Variants in IFT27 observed in about 807,000 individuals in gnomAD.
The protein encoded by IFT27 is intraflagellar transport 27, also known as intraflagellar transport protein 27 homolog.
Under a neutral mutation model 23.9 loss-of-function variants are expected in IFT27, and 19 were observed. The ratio of observed to expected loss-of-function variants is 0.79; its 90% CI spans 0.55 to 1.16. The LOEUF (loss-of-function observed/expected upper bound fraction) is 1.16. IFT27 is among the 50% of genes most tolerant of loss of function. The probability of loss-of-function intolerance (pLI) is 0.00; values close to 1 mark genes in which losing one functional copy is unlikely to be tolerated. For synonymous variants in IFT27, 91 were observed against 89.1 expected, an observed-to-expected ratio of 1.02 and a Z score of -0.12; for missense variants, 206 against 228.7, an observed-to-expected ratio of 0.90 and a Z score of 0.64.
Position 36,767,317 on chromosome 22 carries a change from C to G in IFT27, c.163G>C (p.Gly55Arg), listed in dbSNP as rs767759494. 5 of 1,613,870 alleles carry G rather than the reference C, an allele frequency of 3.1e-6. No homozygotes were observed. The South Asian group carries it at 5.5e-5, about 18-fold the overall frequency. ...VVKTVPVPDT[G>R]DSVELFIFDS... ...AAGGCATCACTCACCACACTGTCTC[C>G]CGTGTCAGGAACTGGCACTGTCTTC... Residue 55 changes from glycine (G) to arginine (R), a missense_variant, in exon 3 of 7, where the codon GGA (glycine) becomes CGA (arginine). Gly to Arg is a moderately radical substitution (Grantham distance 125, BLOSUM62 -2). Transcript: ENST00000433985.
At chr22:36,758,603 T>C in intron 6 of IFT27, 194 bp from the exon 7 acceptor site, 1 of 588,080 alleles carries the variant, frequency 1.7e-6, no homozygotes, top group Non-Finnish European at 3.0e-6. Flanking sequence ...AACTCAGAGA[T>C]GAAGGTACCT....
chr22:36,762,808 TG>T (rs1479142001), intron 6 of IFT27, 95 bp downstream of exon 6: 1 of 634,602 alleles, frequency 1.6e-6, no homozygotes, highest in East Asian at 3.1e-5. Flanking sequence ...CTGCATATGG[TG>T]GAATAACAGC....
chr22:36,776,047 A>T lies in IFT27; in HGVS notation c.-340T>A. ...CAGCCCTACCCAGAGGGTTCAAGGA[A>T]GGACGATCCGGCTCTCCTCCGATCA... On this transcript the variant is annotated 5_prime_UTR_variant, in exon 1 of 7. Coordinates refer to ENST00000433985, the MANE Select transcript of IFT27 (RefSeq NM_001177701.3). The T allele has an allele frequency of 2.6e-6, 1 of 387,964 alleles. No individual in the cohort carries two copies. Among genetic ancestry groups the T allele is most frequent in the Non-Finnish European group, 4.8e-6 (1 of 207,804 alleles). The allele number at this position is 387,964 out of a possible 1,614,324, so 24.0% of individuals were successfully genotyped here.
chr22:36,767,282 C>G, intron 3 of IFT27, 24 bp downstream of exon 3: 1 of 1,606,956 alleles, frequency 6.2e-7, no homozygotes, highest in Non-Finnish European at 8.5e-7. Flanking sequence ...GCCCTGAGTT[C>G]CCCTGGGTAA....
chr22:36,760,774 A>C (rs1487484472), intron 6 of IFT27: 1 of 166,098 alleles, frequency 6.0e-6, no homozygotes, highest in Non-Finnish European at 1.5e-5. Flanking sequence ...AGCCTAAACA[A>C]ATAATGTGTG....
chr22:36,771,335 T>G (rs533490709), intron 1 of IFT27, among the ~76,000 whole-genome samples: 1 of 152,338 alleles, frequency 6.6e-6, no homozygotes, highest in Admixed American at 6.5e-5. Context: ...ATCCTCACTG[T>G]TGAAATGCCG....
Position 36,763,026 on chromosome 22 carries a change from AAC to A in IFT27, c.353-15_353-14del, listed in dbSNP as rs1938139255. ...CCAACTAAAACACCTACTCAGAAGA[AAC>A]AACCAAAATATGGCACTTCACTGTC... On this transcript the variant is annotated splice_polypyrimidine_tract_variant and intron_variant, in intron 5 of 6. Coordinates refer to ENST00000433985, the MANE Select transcript of IFT27 (RefSeq NM_001177701.3). The A allele has an allele frequency of 1.9e-6, 3 of 1,578,364 alleles. No homozygotes were observed. Among genetic ancestry groups the A allele is most frequent in the Non-Finnish European group, 2.6e-6 (3 of 1,156,226 alleles).
chr22:36,766,309 C>A (rs1312900774), intron 3 of IFT27, 112 bp from the exon 4 acceptor site: 13 of 832,350 alleles, frequency 1.6e-5, no homozygotes, highest in Admixed American at 3.9e-5. Flanking sequence ...ATACAGGCAC[C>A]CACATCTTCA....
At chr22:36,763,841 T>C in intron 5 of IFT27, 78 bp downstream of exon 5, 1 of 1,046,748 alleles carries the variant, frequency 9.6e-7, no homozygotes, top group South Asian at 1.3e-5. Flanking sequence ...CACCCACAGC[T>C]ACCTCTGCAA....
At chr22:36,770,832 A>T (rs531000366) in intron 1 of IFT27, among the ~76,000 whole-genome samples, 89 of 152,108 alleles carry the variant, frequency 5.9e-4, no homozygotes, top group African/African-American at 2.1e-3. Flanking sequence ...CCCCAAGCCC[A>T]TCCTTCCACA....
chr22:36,768,874 C>CTCTCA (rs1333855597), intron 1 of IFT27, among the ~76,000 whole-genome samples: 1 of 152,214 alleles, frequency 6.6e-6, no homozygotes, highest in African/African-American at 2.4e-5. Context: ...GCTTCTCATC[C>CTCTCA]TCTGGATCCT....
Position 36,764,023 on chromosome 22 carries a change from T to A in IFT27, c.248A>T (p.Asn83Ile). The A allele has an allele frequency of 6.2e-7, 1 of 1,610,706 alleles. No homozygotes were observed. Among genetic ancestry groups the A allele is most frequent in the Non-Finnish European group, 8.5e-7 (1 of 1,176,838 alleles). ...CACATCATAGACGAGACATAAGACATTGGGACTCTCCCACTGTGCAAGAGG... is the reference window on the plus strand; with the variant it reads ...CACATCATAGACGAGACATAAGACAATGGGACTCTCCCACTGTGCAAGAGG... ...EMLDKLWESP[N>I]VLCLVYDVTN... Residue 83 changes from asparagine to isoleucine, a missense_variant, in exon 5 of 7, where the codon AAT (asparagine) becomes ATT (isoleucine). Transcript: ENST00000433985.
intron 2 of IFT27, 46 bp from the exon 3 acceptor site, chr22:36,767,411 G>C (rs776938169): frequency 1.3e-6 from 2 of 1,560,932 alleles, no homozygotes; most frequent in Admixed American, 3.4e-5. Flanking sequence ...CCCCCAAAGG[G>C]AGAGCATGTT....
intron 1 of IFT27, chr22:36,768,703 C>T (rs1043662895): frequency 6.5e-6 from 1 of 152,774 alleles, no homozygotes; most frequent in African/African-American, 2.4e-5. Flanking sequence ...GGAAGCTCTC[C>T]CTGCCCATCT....
chr22:36,768,471 G>A (rs1313236013), intron 1 of IFT27: 1 of 197,348 alleles, frequency 5.1e-6, no homozygotes, highest in Non-Finnish European at 1.1e-5. Flanking sequence ...TTCTTCCCAG[G>A]GGCCTCTCCA....
At chr22:36,767,179 G>A (rs574136467) in intron 3 of IFT27, 127 bp downstream of exon 3, 38 of 678,326 alleles carry the variant, frequency 5.6e-5, no homozygotes, top group South Asian at 2.7e-4. Flanking sequence ...ATTCTATTCC[G>A]AAATGCTCAG....
At chr22:36,775,247 G>A (rs1938474712) in intron 1 of IFT27, among the ~76,000 whole-genome samples, 1 of 75,098 alleles carries the variant, frequency 1.3e-5, no homozygotes, top group Non-Finnish European at 3.3e-5. Context: ...TATCAGAGGG[G>A]GTGAGGTCGG....
intron 1 of IFT27, among the ~76,000 whole-genome samples, chr22:36,771,127 G>A (rs573539947): frequency 1.3e-5 from 2 of 151,370 alleles, no homozygotes; most frequent in African/African-American, 2.4e-5. Flanking sequence ...AGCGGGCAGT[G>A]CCCTCTTCTC....
At chr22:36,761,907 T>A (rs1387231987) in intron 6 of IFT27, 1 of 152,192 alleles carries the variant, frequency 6.6e-6, no homozygotes, top group Non-Finnish European at 1.5e-5. Flanking sequence ...TCCAGAACAT[T>A]AACCAGCCCA....
Sources: gnomAD v4.1 joint callset for allele counts (sites outside exome capture counted in the v4.1 genomes callset) on GRCh38, gnomAD v4.1.1 for gene constraint, MANE v1.5 for transcripts, NCBI Gene and HGNC (gene_info 2026-07-23, HGNC 2026-07-21) for gene names.